UGT1A5: variants seen among roughly 807,000 people sequenced by gnomAD.
UGT1A5 encodes UDP-glucuronosyltransferase 1A5.
Under a neutral mutation model 40.3 loss-of-function variants are expected in UGT1A5, and 29 were observed. The ratio of observed to expected loss-of-function variants is 0.72; its 90% CI spans 0.54 to 0.98. The LOEUF (loss-of-function observed/expected upper bound fraction) is 0.98. Among genes scored for constraint, UGT1A5 ranks in the 50% least tolerant of loss-of-function variants. UGT1A5 has a pLI of 0.00. For synonymous variants in UGT1A5, 257 were observed against 262.5 expected (o/e 0.98, Z 0.20); for missense variants, 678 against 677.9 (o/e 1.00, Z 0.00).
Position 233,750,687 on chromosome 2 carries a change from G to T in UGT1A5, c.868-16347G>T, listed in dbSNP as rs1349099199. On this transcript the variant is annotated intron_variant, in intron 1 of 4. Coordinates refer to ENST00000373414, the MANE Select transcript of UGT1A5 (RefSeq NM_019078.2). The stretch of plus-strand genomic sequence containing the variant: ...CTGTGTCCCAGTGGCTCCAGCCATG[G>T]CTAAAAGAGGCCAAGGTAGAGCTCA... The T allele has an allele frequency of 2.6e-5, 4 of 151,974 alleles. No individual in the cohort carries two copies. In the South Asian group the frequency reaches 6.2e-4, roughly 24 times the overall value. 9.4% of individuals were successfully genotyped at this position (151,974 alleles called of 1,614,324 possible). A position where few individuals can be genotyped will look rare whatever the true frequency, so the allele number is the denominator to read the frequency against.
At chr2:233,761,149 C>A (rs1575779799) in intron 1 of UGT1A5, 1 of 1,614,176 alleles carries the variant, frequency 6.2e-7, no homozygotes. Context: ...TCCACTATCC[C>A]AGGTGTGTAT....
intron 1 of UGT1A5, chr2:233,740,704 A>G (rs1042428979): frequency 6.6e-6 from 1 of 151,780 alleles, no homozygotes; most frequent in African/African-American, 2.4e-5. Context: ...AGGGATTTCA[A>G]GAGGGTCATC....
At chr2:233,746,604 C>T (rs901529128) in intron 1 of UGT1A5, among the ~76,000 whole-genome samples, 5 of 151,778 alleles carry the variant, frequency 3.3e-5, no homozygotes, top group Non-Finnish European at 5.9e-5. Flanking sequence ...TGTCTCTGTT[C>T]ACCTGACCCC....
At chr2:233,737,546 G>C (rs1575619302) in intron 1 of UGT1A5, among the ~76,000 whole-genome samples, 1 of 152,122 alleles carries the variant, frequency 6.6e-6, no homozygotes, top group Non-Finnish European at 1.5e-5. Flanking sequence ...GCTTCGGCTT[G>C]CCCTCAGTGG....
chr2:233,715,439 T>C (rs1470387805), intron 1 of UGT1A5, among the ~76,000 whole-genome samples: 2 of 152,158 alleles, frequency 1.3e-5, no homozygotes, highest in East Asian at 3.9e-4. Flanking sequence ...GTAATGTGAC[T>C]CCTATGTTAT....
At chr2:233,763,030 G>T (rs1698223178) in intron 1 of UGT1A5, among the ~76,000 whole-genome samples, 1 of 152,142 alleles carries the variant, frequency 6.6e-6, no homozygotes, top group South Asian at 2.1e-4. Flanking sequence ...GTTAGCCATT[G>T]TTTTCTGAAC....
At chr2:233,718,632 C>T in intron 1 of UGT1A5, 1 of 1,448,466 alleles carries the variant, frequency 6.9e-7, no homozygotes, top group Non-Finnish European at 9.3e-7. Flanking sequence ...TGGTCTTTCC[C>T]AGGGTTGGGC....
intron 1 of UGT1A5, among the ~76,000 whole-genome samples, chr2:233,757,337 A>G (rs1976391): frequency 0.35 from 51,596 of 146,046 alleles, 9,773 homozygotes; most frequent in African/African-American, 0.44. Context: ...TGGGACCATG[A>G]CAGCTGGGTC....
intron 1 of UGT1A5, chr2:233,747,600 G>T: frequency 6.3e-7 from 1 of 1,575,586 alleles, no homozygotes; most frequent in Non-Finnish European, 8.7e-7. Context: ...GTCTTGTGTG[G>T]AGCTACTGCA....
At chr2:233,732,087 T>G (rs2078235147) in intron 1 of UGT1A5, among the ~76,000 whole-genome samples, 1 of 152,220 alleles carries the variant, frequency 6.6e-6, no homozygotes, top group African/African-American at 2.4e-5. Flanking sequence ...TGTCTTCTTT[T>G]GAGAAGTGTC....
In UGT1A5 at chr2:233,743,574, A is replaced by T. The variant is rs763461022; in HGVS notation, c.868-23460A>T. ...AAAATATTCTCCAGCGGGTTTCCCA[A>T]GAGGTCAAAGGAGAATGGGTCCTGG... is the stretch of plus-strand genomic sequence containing the variant. On this transcript the variant is annotated intron_variant, in intron 1 of 4. Coordinates refer to ENST00000373414, the MANE Select transcript of UGT1A5 (RefSeq NM_019078.2). 5 of 1,367,184 alleles carry T rather than the reference A, an allele frequency of 3.7e-6. No individual in the cohort carries two copies. The East Asian group carries it at 2.3e-4, about 62-fold the overall frequency. The allele number at this position is 1,367,184 out of a possible 1,614,324, so 84.7% of individuals were successfully genotyped here. A position where few individuals can be genotyped will look rare whatever the true frequency, so the allele number is the denominator to read the frequency against.
intron 1 of UGT1A5, among the ~76,000 whole-genome samples, chr2:233,737,198 G>A (rs2078851013): frequency 6.6e-6 from 1 of 152,216 alleles, no homozygotes; most frequent in Non-Finnish European, 1.5e-5. Flanking sequence ...TTGCTGAGCT[G>A]CGGTGGACTC....
At chr2:233,754,978 CG>C (rs1333953486) in intron 1 of UGT1A5, 1 of 1,298,378 alleles carries the variant, frequency 7.7e-7, no homozygotes, top group Non-Finnish European at 1.0e-6. Context: ...CTGAAGACCT[CG>C]GCGGGGTCAC....
intron 1 of UGT1A5, chr2:233,740,779 T>C (rs1209368922): frequency 1.3e-5 from 2 of 151,852 alleles, no homozygotes; most frequent in African/African-American, 4.9e-5. Flanking sequence ...GTATAAAAGA[T>C]GAATACCCAC....
At chr2:233,736,628 T>C (rs1418847955) in intron 1 of UGT1A5, among the ~76,000 whole-genome samples, 1 of 152,228 alleles carries the variant, frequency 6.6e-6, no homozygotes, top group Admixed American at 6.5e-5. Context: ...GCTTTTCTGC[T>C]CTAGTTTCCC....
intron 1 of UGT1A5, among the ~76,000 whole-genome samples, chr2:233,722,492 T>G (rs1349668885): frequency 6.6e-6 from 1 of 152,244 alleles, no homozygotes; most frequent in African/African-American, 2.4e-5. Context: ...ACTGTTTCAT[T>G]TTCCGTTTCG....
rs572113839 is a variant in UGT1A5, at chr2:233,733,665, C to T, written c.867+19807C>T. Among the ~76,000 whole-genome samples the T allele has an allele frequency of 5.3e-5, 8 of 152,280 alleles. No individual in the cohort carries two copies. The East Asian group carries it at 7.7e-4, about 15-fold the overall frequency. ...ATCCCAAGGATGAAGCCGACTTGAT[C>T]GATGTGGATAAACTTTTTGATGTGC... On this transcript the variant is annotated intron_variant, in intron 1 of 4. Transcript: ENST00000373414.
At chr2:233,721,966 T>C (rs1022053343) in intron 1 of UGT1A5, 4 of 298,750 alleles carry the variant, frequency 1.3e-5, no homozygotes, top group Admixed American at 7.9e-5. Flanking sequence ...TATGCATACA[T>C]TGATGGCCTG....
intron 1 of UGT1A5, chr2:233,719,399 T>C (rs2076762082): frequency 1.2e-6 from 2 of 1,613,992 alleles, no homozygotes; most frequent in Non-Finnish European, 8.5e-7. Context: ...CTTCCTCCTA[T>C]ATTCCTAAGT....
Sources: allele counts gnomAD v4.1 joint callset (sites outside exome capture counted in the v4.1 genomes callset), GRCh38; gene constraint gnomAD v4.1.1; transcripts MANE v1.5; gene names NCBI Gene and HGNC (gene_info 2026-07-23, HGNC 2026-07-21).